The following SATB1 variants were observed in gnomAD, a reference collection of about 807,000 sequenced individuals.
SATB1 encodes the protein SATB homeobox 1.
A neutral mutation model predicts 86.9 loss-of-function variants in SATB1; 11 were observed. That is an observed-to-expected ratio of 0.13 (90% CI 0.08 to 0.21). The LOEUF (loss-of-function observed/expected upper bound fraction) is 0.21. Ranked by LOEUF, SATB1 falls within the 10% of genes least tolerant of loss-of-function variation. SATB1 has a pLI of 1.00. For missense variants in SATB1, 551 were observed against 937.6 expected (o/e 0.59, Z 5.39); for synonymous variants, 357 against 357.2 (o/e 1.00, Z 0.01).
chr3:18,395,252 A>C (rs1652681471), intron 6 of SATB1, among the ~76,000 whole-genome samples: 1 of 152,218 alleles, frequency 6.6e-6, no homozygotes, highest in South Asian at 2.1e-4. Context: ...ACAATTTTTA[A>C]AAATGGCTTC....
At chr3:18,361,046 CA>C (rs1287582383) in intron 9 of SATB1, among the ~76,000 whole-genome samples, 1 of 152,006 alleles carries the variant, frequency 6.6e-6, no homozygotes, top group Non-Finnish European at 1.5e-5. Flanking sequence ...GATGAATTAG[CA>C]GGGGGCTGGG....
At position 18,424,012 on chromosome 3, in the gene SATB1, A is replaced by T. The variant is rs531424678; in HGVS notation, c.-410T>A. 6 of 152,140 alleles carry T rather than the reference A, an allele frequency of 3.9e-5. No individual in the cohort carries two copies. The East Asian group carries it at 9.7e-4, about 25-fold the overall frequency. The allele number at this position is 152,140 out of a possible 1,614,324, so 9.4% of individuals were successfully genotyped here. ...AGGGAGGAGGAAGAAGATAAAATTG[A>T]TCTGACAAGTGATTCGTTGGGGGGA... On this transcript the variant is annotated 5_prime_UTR_variant, in exon 1 of 11. Transcript: ENST00000338745.
At position 18,369,551 on chromosome 3, in the gene SATB1, A is replaced by G. The variant is rs570272527; in HGVS notation, c.1575+8619T>C. Among the ~76,000 whole-genome samples, 20 of 152,268 alleles carry G rather than the reference A, an allele frequency of 1.3e-4. No homozygotes were observed. The South Asian group carries it at 2.7e-3, about 21-fold the overall frequency. ...ATACATACCCCAACCCTTAAAAAAAAGGGGGGCCTGAAATTTTAGTTACAC... is the reference window on the plus strand; with the variant it reads ...ATACATACCCCAACCCTTAAAAAAAGGGGGGGCCTGAAATTTTAGTTACAC... On this transcript the variant is annotated intron_variant, in intron 9 of 10. Coordinates refer to ENST00000338745, the MANE Select transcript of SATB1 (RefSeq NM_002971.6).
At chr3:18,370,212 T>G (rs931834589) in intron 9 of SATB1, among the ~76,000 whole-genome samples, 1 of 152,104 alleles carries the variant, frequency 6.6e-6, no homozygotes, top group Non-Finnish European at 1.5e-5. Context: ...AAAGCATATT[T>G]TGGAATGATA....
At chr3:18,417,830 G>A (rs766639326) in intron 2 of SATB1, 36 of 562,692 alleles carry the variant, frequency 6.4e-5, no homozygotes, top group Non-Finnish European at 1.1e-4. Context: ...GTAAAAATGA[G>A]AGATAGAAAA....
In SATB1 at chr3:18,351,507, CTG is replaced by C. The variant is rs1575075240; in HGVS notation, c.1779+483_1779+484del. ...TACAAGGTGAAGGAAGGGCCAAGGA[CTG>C]TAAGGCAAGATTCCAATTAAGCTTC... On this transcript the variant is annotated intron_variant, in intron 10 of 10. Transcript: ENST00000338745. 5.9e-6 allele frequency: 5 copies of C among 849,264 alleles called. No homozygotes were observed. The East Asian group carries it at 1.3e-4, about 23-fold the overall frequency. 52.6% of individuals were successfully genotyped at this position (849,264 alleles called of 1,614,324 possible). A position where few individuals can be genotyped will look rare whatever the true frequency, so the allele number is the denominator to read the frequency against.
At position 18,394,659 on chromosome 3, in the gene SATB1, A is replaced by G. The variant is rs1696868169; in HGVS notation, c.1009T>C (p.Leu337=). ...TGTTGGTTTAAGGACTGCTGGGCTA[A>G]AAGTCTATTCACTGCATACTGCTGG... The part of the protein sequence containing the change: ...LNQQYAVNRL[L]AQQSLNQQYL... Residue 337 remains leucine, a synonymous_variant, in exon 7 of 11, where the codon TTA becomes CTA. Transcript: ENST00000338745. The surrounding 1 kb of genome is among the most constrained non-coding windows in gnomAD (Gnocchi z 5.9). 2 of 1,614,164 alleles carry G rather than the reference A, an allele frequency of 1.2e-6. No homozygotes were observed. Among genetic ancestry groups the G allele is most frequent in the Non-Finnish European group, 1.7e-6 (2 of 1,180,030 alleles).
rs752947974 is a variant in SATB1, at chr3:18,349,373, G to T, written c.2089C>A (p.Arg697=). 2.5e-6 allele frequency: 4 copies of T among 1,614,102 alleles called. No individual in the cohort carries two copies. The highest frequency in any genetic ancestry group is 1.1e-5 in the South Asian group (1 of 91,066). ...YTIIKFFQNQ[R]YYLKHHGKLK... ...TTGCCGTGGTGCTTGAGATAGTACC[G>T]CTGGTTCTGAAAGAACTTGATGATG... Residue 697 remains arginine, a synonymous_variant, in exon 11 of 11, where the codon CGG becomes AGG. Coordinates refer to ENST00000338745, the MANE Select transcript of SATB1 (RefSeq NM_002971.6). This position sits in a 1 kb window ranked among gnomAD's most constrained non-coding sequence, Gnocchi z 5.5.
Position 18,424,094 on chromosome 3 carries a change from A to C in SATB1, c.-492T>G, listed in dbSNP as rs1698534018. The C allele has an allele frequency of 2.0e-5, 3 of 151,914 alleles. No homozygotes were observed. Among genetic ancestry groups the C allele is most frequent in the Admixed American group, 2.0e-4 (3 of 15,244 alleles). 9.4% of individuals were successfully genotyped at this position (151,914 alleles called of 1,614,324 possible). On this transcript the variant is annotated 5_prime_UTR_variant, in exon 1 of 11. Coordinates refer to ENST00000338745, the MANE Select transcript of SATB1 (RefSeq NM_002971.6). ...GCTGTACACTGTGATGGTGCTGGGG[A>C]AACGACGTGGTGACTGAGGATTCTC... is the stretch of plus-strand genomic sequence containing the variant.
intron 5 of SATB1, among the ~76,000 whole-genome samples, chr3:18,404,008 C>T (rs1697397678): frequency 6.6e-6 from 1 of 152,048 alleles, no homozygotes; most frequent in African/African-American, 2.4e-5. Flanking sequence ...ACTACACATT[C>T]AAATACAATT....
chr3:18,361,876 T>C (rs972217165), intron 9 of SATB1, among the ~76,000 whole-genome samples: 1 of 152,184 alleles, frequency 6.6e-6, no homozygotes. Context: ...TACATATAGA[T>C]ACATGTGCAT....
At chr3:18,384,343 T>C (rs965820783) in intron 8 of SATB1, among the ~76,000 whole-genome samples, 3 of 152,134 alleles carry the variant, frequency 2.0e-5, no homozygotes, top group African/African-American at 7.2e-5. Context: ...AAGAAAAAGC[T>C]TGATGAGTAA....
At chr3:18,439,370 C>T (rs1204781569), upstream of SATB1, among the ~76,000 whole-genome samples, 1 of 152,114 alleles carries the variant, frequency 6.6e-6, no homozygotes, top group East Asian at 1.9e-4. Flanking sequence ...ACTACTAAAT[C>T]TCACCCTGAA....
At chr3:18,364,511 G>C (rs913552525) in intron 9 of SATB1, among the ~76,000 whole-genome samples, 5 of 151,898 alleles carry the variant, frequency 3.3e-5, no homozygotes, top group African/African-American at 4.8e-5. Flanking sequence ...ACTGTCATTT[G>C]TTGCCTATAT....
intron 9 of SATB1, among the ~76,000 whole-genome samples, chr3:18,356,632 A>G (rs1208738741): frequency 2.0e-5 from 3 of 151,858 alleles, no homozygotes; most frequent in African/African-American, 7.2e-5. Flanking sequence ...ACCACATTTA[A>G]ATAAAAATCC....
intron 7 of SATB1, among the ~76,000 whole-genome samples, chr3:18,392,434 C>T (rs1056699261): frequency 3.3e-5 from 5 of 152,062 alleles, no homozygotes; most frequent in Non-Finnish European, 5.9e-5. Flanking sequence ...CAACTTTATC[C>T]TCACTTCTCT....
At chr3:18,392,191 C>G (rs1289156948) in intron 7 of SATB1, among the ~76,000 whole-genome samples, 1 of 151,994 alleles carries the variant, frequency 6.6e-6, no homozygotes, top group African/African-American at 2.4e-5. Flanking sequence ...TCATTCTCCT[C>G]TCACAGAAAA....
intron 8 of SATB1, among the ~76,000 whole-genome samples, chr3:18,381,951 C>T (rs957231528): frequency 3.9e-5 from 6 of 152,096 alleles, no homozygotes; most frequent in Admixed American, 3.3e-4. Flanking sequence ...TAAAAGTCTT[C>T]CAGCTTTTAA....
rs1047161427 is a variant in SATB1 at position 18,415,972 on chromosome 3, G to GA, written c.515+34dup. On this transcript the variant is annotated intron_variant, in intron 4 of 10. Coordinates refer to ENST00000338745, the MANE Select transcript of SATB1 (RefSeq NM_002971.6). ...TTCATTTCAAAAGACCAGGTAAGAAGAATGTTTCACCCTAGATTTGCTGTC... is the reference window on the plus strand; with the variant it reads ...TTCATTTCAAAAGACCAGGTAAGAAGAAATGTTTCACCCTAGATTTGCTGTC... 4 of 1,532,480 alleles carry GA rather than the reference G, an allele frequency of 2.6e-6. No homozygotes were observed. The African/African-American group carries it at 5.6e-5, about 21-fold the overall frequency. 94.9% of individuals were successfully genotyped at this position (1,532,480 alleles called of 1,614,324 possible).
Sources: allele counts gnomAD v4.1 joint callset (sites outside exome capture counted in the v4.1 genomes callset), GRCh38; gene constraint gnomAD v4.1.1; non-coding constraint Gnocchi (gnomAD v3.1); transcripts MANE v1.5; gene names NCBI Gene and HGNC (gene_info 2026-07-23, HGNC 2026-07-21).